KLRK1: variants seen among roughly 807,000 people sequenced by gnomAD.
KLRK1 encodes killer cell lectin like receptor K1.
In KLRK1, 40 loss-of-function variants were observed where a neutral mutation model predicts 31.3. The ratio of observed to expected loss-of-function variants is 1.28; its 90% CI spans 0.99 to 1.67. The LOEUF (loss-of-function observed/expected upper bound fraction) is 1.67, where lower values mean the gene tolerates loss of function less well. Among genes scored for constraint, KLRK1 ranks in the 40% most tolerant of loss-of-function variants. The pLI is 0.00. For missense variants in KLRK1, 251 were observed against 260.0 expected (o/e 0.97, Z 0.24); for synonymous variants, 77 against 77.3 (o/e 1.00, Z 0.02).
At chr12:10,383,657 C>T (rs1863116621) in intron 3 of KLRK1, among the ~76,000 whole-genome samples, 1 of 152,022 alleles carries the variant, frequency 6.6e-6, no homozygotes. Context: ...ATGAACCTAA[C>T]TAAATGTACA....
chr12:10,376,049 C>T (rs964243552), intron 7 of KLRK1, among the ~76,000 whole-genome samples: 2 of 152,124 alleles, frequency 1.3e-5, no homozygotes, highest in Non-Finnish European at 2.9e-5. Flanking sequence ...GAATATTCAG[C>T]AGAGTACTTA....
At chr12:10,379,831 T>A (rs1565492567) in intron 3 of KLRK1, 39 bp from the exon 4 acceptor site, 4 of 1,577,676 alleles carry the variant, frequency 2.5e-6, no homozygotes, top group Non-Finnish European at 3.5e-6. Flanking sequence ...GAAAGAAGCA[T>A]AAAAGGTTTG....
chr12:10,378,028 T>C, intron 7 of KLRK1, 104 bp downstream of exon 7: 1 of 1,184,698 alleles, frequency 8.4e-7, no homozygotes. Context: ...TCTATTAGAA[T>C]GTGCAAATGT....
At chr12:10,373,279 G>C in intron 7 of KLRK1, 48 bp from the exon 8 acceptor site, 1 of 1,467,772 alleles carries the variant, frequency 6.8e-7, no homozygotes, top group Non-Finnish European at 9.2e-7. Context: ...TATTAACGCG[G>C]GAAAATAAAA....
At chr12:10,374,411 T>G (rs1310776346) in intron 7 of KLRK1, among the ~76,000 whole-genome samples, 1 of 127,792 alleles carries the variant, frequency 7.8e-6, no homozygotes, top group Non-Finnish European at 1.8e-5. Flanking sequence ...TTTTTTTTTT[T>G]GACAGTGTTT....
At chr12:10,378,275 T>C in intron 6 of KLRK1, 40 bp from the exon 7 acceptor site, 1 of 1,592,196 alleles carries the variant, frequency 6.3e-7, no homozygotes, top group Non-Finnish European at 8.6e-7. Context: ...AAAATCAGTG[T>C]TGATAATTTT....
chr12:10,382,903 T>G (rs186454313), intron 3 of KLRK1, among the ~76,000 whole-genome samples: 3 of 152,302 alleles, frequency 2.0e-5, no homozygotes, highest in African/African-American at 4.8e-5. Flanking sequence ...TTGTTTTTCT[T>G]TGCTTTGTGA....
At chr12:10,379,935 A>C in intron 3 of KLRK1, 143 bp from the exon 4 acceptor site, 1 of 591,404 alleles carries the variant, frequency 1.7e-6, no homozygotes, top group Non-Finnish European at 2.7e-6. Flanking sequence ...CCAGAACAGA[A>C]CATAAATACC....
chr12:10,379,962 A>AC (rs963004953), intron 3 of KLRK1, 170 bp from the exon 4 acceptor site: 17 of 461,766 alleles, frequency 3.7e-5, no homozygotes, highest in African/African-American at 3.4e-4. Flanking sequence ...ATGATCAAAA[A>AC]CTAGAGTACA....
At chr12:10,382,625 T>C (rs895568789) in intron 3 of KLRK1, among the ~76,000 whole-genome samples, 1 of 152,016 alleles carries the variant, frequency 6.6e-6, no homozygotes, top group Admixed American at 6.5e-5. Flanking sequence ...AGAACACAAA[T>C]GTGCAATAAG....
chr12:10,387,102 T>G, intron 2 of KLRK1, 92 bp from the exon 3 acceptor site: 2 of 881,786 alleles, frequency 2.3e-6, no homozygotes, highest in South Asian at 1.7e-5. Flanking sequence ...TTTCCATCTA[T>G]GTACTTCCCC....
At chr12:10,379,398 G>T in intron 5 of KLRK1, 49 bp downstream of exon 5, 1 of 1,153,398 alleles carries the variant, frequency 8.7e-7, no homozygotes, top group South Asian at 1.6e-5. Context: ...CAATAATGTA[G>T]GTAGATACAT....
intron 1 of KLRK1, chr12:10,389,094 T>G: frequency 2.6e-6 from 1 of 387,874 alleles, no homozygotes; most frequent in Non-Finnish European, 4.7e-6. Flanking sequence ...CATAACAATA[T>G]AATGAACCTA....
chr12:10,382,014 C>G (rs972715052), intron 3 of KLRK1: 2 of 152,182 alleles, frequency 1.3e-5, no homozygotes, highest in Admixed American at 1.3e-4. Context: ...TTTGACCCAC[C>G]GTGGGCCAGA....
intron 2 of KLRK1, among the ~76,000 whole-genome samples, chr12:10,387,730 C>G (rs1333898329): frequency 1.3e-5 from 2 of 151,802 alleles, no homozygotes; most frequent in Non-Finnish European, 2.9e-5. Context: ...ATTTTTAGTA[C>G]AGACGGGGTT....
At chr12:10,389,027 AATTAATTTTATAC>A (rs1863223682) in intron 1 of KLRK1, 152 bp from the exon 2 acceptor site, 2 of 504,726 alleles carry the variant, frequency 4.0e-6, no homozygotes, top group Admixed American at 6.7e-5. Flanking sequence ...AGCCAGGCAA[AATTAATTTTATAC>A]ATTTCTCTTG....
chr12:10,387,629 G>A (rs1475102362), intron 2 of KLRK1, among the ~76,000 whole-genome samples: 3 of 149,522 alleles, frequency 2.0e-5, no homozygotes. Flanking sequence ...CACTGCAACC[G>A]CCGCCTCCTG....
intron 1 of KLRK1, 70 bp from the exon 2 acceptor site, chr12:10,388,945 G>C: frequency 9.3e-7 from 1 of 1,070,248 alleles, no homozygotes; most frequent in South Asian, 1.8e-5. Context: ...ATTTTGAATA[G>C]AAAAGTAAAA....
At chr12:10,378,501 G>C in intron 6 of KLRK1, 53 bp downstream of exon 6, 1 of 1,596,940 alleles carries the variant, frequency 6.3e-7, no homozygotes, top group Non-Finnish European at 8.5e-7. Context: ...CCAGTGAGTT[G>C]TCTCAGATGT....
Sources: allele counts gnomAD v4.1 joint callset (sites outside exome capture counted in the v4.1 genomes callset), GRCh38; gene constraint gnomAD v4.1.1; transcripts MANE v1.5; gene names NCBI Gene and HGNC (gene_info 2026-07-23, HGNC 2026-07-21).